The following ANXA1 variants were observed in gnomAD, a reference collection of about 807,000 sequenced individuals.
ANXA1 encodes annexin A1, also known as annexin I (lipocortin I).
Under a neutral mutation model 47.9 loss-of-function variants are expected in ANXA1, and 39 were observed. The observed-to-expected ratio is 0.81, with a 90% CI of 0.63 to 1.06. The LOEUF (loss-of-function observed/expected upper bound fraction) is 1.06, where lower values mean the gene tolerates loss of function less well. Ranked by LOEUF, ANXA1 falls within the 50% of genes least tolerant of loss-of-function variation. ANXA1 has a pLI of 0.00. For synonymous variants in ANXA1, 146 were observed against 142.5 expected, an observed-to-expected ratio of 1.02 and a Z score of -0.17; for missense variants, 446 against 422.7, an observed-to-expected ratio of 1.06 and a Z score of -0.48.
intron 11 of ANXA1, chr9:73,167,896 A>C (rs951969566): frequency 4.8e-6 from 1 of 210,456 alleles, no homozygotes; most frequent in Admixed American, 5.4e-5. Context: ...GAGTTTTATA[A>C]TCTCCCACTT....
intron 9 of ANXA1, 141 bp downstream of exon 9, chr9:73,165,350 G>A: frequency 1.7e-6 from 1 of 577,224 alleles, no homozygotes; most frequent in East Asian, 3.1e-5. Context: ...CTGACCCATT[G>A]TTATTTGTCA....
intron 1 of ANXA1, chr9:73,154,183 G>A: frequency 1.8e-6 from 1 of 561,874 alleles, no homozygotes; most frequent in Non-Finnish European, 2.9e-6. Context: ...AGTCTTAATT[G>A]CTTTCTCTCA....
chr9:73,153,024 G>A (rs1191193963), intron 1 of ANXA1, among the ~76,000 whole-genome samples: 1 of 152,166 alleles, frequency 6.6e-6, no homozygotes, highest in Non-Finnish European at 1.5e-5. Context: ...TTTGGTAGCT[G>A]TAAGAGAATG....
intron 6 of ANXA1, among the ~76,000 whole-genome samples, chr9:73,162,492 A>G (rs1037699443): frequency 1.2e-4 from 18 of 152,270 alleles, no homozygotes; most frequent in African/African-American, 4.1e-4. Flanking sequence ...TTAATTACTA[A>G]TGTATACCTA....
At chr9:73,161,449 C>T (rs998862031) in intron 6 of ANXA1, among the ~76,000 whole-genome samples, 1 of 152,064 alleles carries the variant, frequency 6.6e-6, no homozygotes, top group Non-Finnish European at 1.5e-5. Context: ...CTAGTCTTAG[C>T]TTATTTTATC....
chr9:73,154,239 A>C, intron 1 of ANXA1: 1 of 1,218,280 alleles, frequency 8.2e-7, no homozygotes, highest in Non-Finnish European at 1.1e-6. Flanking sequence ...ATTCGAGGAA[A>C]AACTATGCAC....
intron 7 of ANXA1, 65 bp downstream of exon 7, chr9:73,162,926 G>T: frequency 3.0e-6 from 4 of 1,340,150 alleles, no homozygotes; most frequent in Non-Finnish European, 3.2e-6. Flanking sequence ...AGTCCATTTT[G>T]TGTTGCTATA....
chr9:73,161,060 C>T (rs1009000425), intron 6 of ANXA1, among the ~76,000 whole-genome samples, 167 bp downstream of exon 6: 1 of 152,132 alleles, frequency 6.6e-6, no homozygotes, highest in African/African-American at 2.4e-5. Flanking sequence ...TACCAGGCAA[C>T]GCTTGAGTTG....
chr9:73,163,645 C>G, intron 8 of ANXA1, 113 bp downstream of exon 8: 1 of 1,036,548 alleles, frequency 9.6e-7, no homozygotes, highest in Admixed American at 2.1e-5. Context: ...CCAATGGCTT[C>G]TTAATGTTCA....
chr9:73,165,208 A>C lies in ANXA1; in HGVS notation c.705A>C (p.Arg235Ser). The change falls in exon 9 of 13, where the codon AGA becomes AGC. Residue 235 changes from arginine to serine, a missense_variant and splice_region_variant. Transcript: ENST00000257497. ...CCAGAAGCTATCCACAACTTCGCAGAGGTAACAATAAATTTCTTTTTCTGG... is the reference window on the plus strand; with the variant it reads ...CCAGAAGCTATCCACAACTTCGCAGCGGTAACAATAAATTTCTTTTTCTGG... ...LTTRSYPQLR[R>S]VFQKYTKYSK... The C allele has an allele frequency of 1.9e-6, 3 of 1,611,222 alleles. No individual in the cohort carries two copies. In the Middle Eastern group the frequency reaches 5.0e-4, roughly 267 times the overall value.
intron 7 of ANXA1, 147 bp from the exon 8 acceptor site, chr9:73,163,329 A>G: frequency 1.4e-6 from 1 of 732,604 alleles, no homozygotes; most frequent in South Asian, 1.9e-5. Flanking sequence ...CATCGCAAGT[A>G]AAATCTTGTA....
At position 73,158,810 on chromosome 9, in the gene ANXA1, T is replaced by A; in HGVS notation, c.175+7T>A. The A allele has an allele frequency of 6.2e-7, 1 of 1,609,772 alleles. No individual in the cohort carries two copies. On this transcript the variant is annotated splice_region_variant and intron_variant, in intron 3 of 12. Transcript: ENST00000257497. The stretch of plus-strand genomic sequence containing the variant: ...AAGGCCATAATGGTTAAAGGTAACG[T>A]GTTTCCTCAAAACAGTTCCCTCCTG...
intron 1 of ANXA1, chr9:73,157,723 A>G (rs17652610): frequency 0.047 from 7,152 of 151,204 alleles, 250 homozygotes; most frequent in Middle Eastern, 0.1. Flanking sequence ...ACAGGCTCTC[A>G]TTAATTCCAC....
chr9:73,166,674 A>G (rs1216125904), intron 10 of ANXA1, among the ~76,000 whole-genome samples: 1 of 152,132 alleles, frequency 6.6e-6, no homozygotes, highest in East Asian at 1.9e-4. Context: ...GACAACCATC[A>G]GGGTTGGGGA....
At chr9:73,162,024 G>A (rs945950100) in intron 6 of ANXA1, among the ~76,000 whole-genome samples, 4 of 152,148 alleles carry the variant, frequency 2.6e-5, no homozygotes, top group Non-Finnish European at 4.4e-5. Flanking sequence ...ATGGCAGAAA[G>A]CAGACAGAAG....
At chr9:73,169,308 C>T (rs1824285842) in intron 12 of ANXA1, among the ~76,000 whole-genome samples, 154 bp downstream of exon 12, 2 of 152,042 alleles carry the variant, frequency 1.3e-5, no homozygotes, top group Non-Finnish European at 2.9e-5. Flanking sequence ...ATTGAACTTT[C>T]ACTGGTAAAA....
intron 1 of ANXA1, 107 bp from the exon 2 acceptor site, chr9:73,158,415 G>A (rs534541502): frequency 2.6e-5 from 21 of 813,472 alleles, no homozygotes; most frequent in African/African-American, 1.6e-4. Context: ...GAAAGTAAGC[G>A]CAAGGCTACT....
chr9:73,164,756 A>G (rs1179693825), intron 8 of ANXA1, among the ~76,000 whole-genome samples: 1 of 152,178 alleles, frequency 6.6e-6, no homozygotes, highest in African/African-American at 2.4e-5. Context: ...TTATTGATTT[A>G]TAAGTAACAT....
At chr9:73,165,753 G>C (rs959476029) in intron 9 of ANXA1, among the ~76,000 whole-genome samples, 3 of 152,054 alleles carry the variant, frequency 2.0e-5, no homozygotes, top group Non-Finnish European at 4.4e-5. Flanking sequence ...AAATGTAAGA[G>C]AAATTTAGTG....
Sources: allele counts gnomAD v4.1 joint callset (sites outside exome capture counted in the v4.1 genomes callset), GRCh38; gene constraint gnomAD v4.1.1; transcripts MANE v1.5; gene names NCBI Gene and HGNC (gene_info 2026-07-23, HGNC 2026-07-21).